The following SMC5 variants were observed in gnomAD, a reference collection of about 807,000 sequenced individuals.
SMC5 encodes structural maintenance of chromosomes protein 5.
In SMC5, 88 loss-of-function variants were observed where a neutral mutation model predicts 148.3. The ratio of observed to expected loss-of-function variants is 0.59; its 90% confidence interval spans 0.50 to 0.71. The LOEUF (loss-of-function observed/expected upper bound fraction) is 0.71, where lower values mean the gene tolerates loss of function less well. Ranked by LOEUF, SMC5 falls within the 30% of genes least tolerant of loss-of-function variation. The pLI, the probability that SMC5 is intolerant of heterozygous loss-of-function variation, is 0.00. For synonymous variants in SMC5, 421 were observed against 432.8 expected (o/e 0.97, Z 0.34); for missense variants, 1,142 against 1,298.9 (o/e 0.88, Z 1.86).
intron 20 of SMC5, among the ~76,000 whole-genome samples, 166 bp downstream of exon 20, chr9:70,347,327 G>A (rs2118835894): frequency 6.6e-6 from 1 of 152,270 alleles, no homozygotes; most frequent in Middle Eastern, 3.4e-3. Context: ...TTAAATGCCA[G>A]ATTCTGAATC....
At chr9:70,320,106 T>TG (rs2035906292) in intron 15 of SMC5, among the ~76,000 whole-genome samples, 1 of 152,188 alleles carries the variant, frequency 6.6e-6, no homozygotes, top group South Asian at 2.1e-4. Context: ...TGGTATTCCA[T>TG]GAAAAAAATG....
chr9:70,275,110 T>C (rs1027153792), intron 3 of SMC5, among the ~76,000 whole-genome samples: 1 of 152,190 alleles, frequency 6.6e-6, no homozygotes, highest in African/African-American at 2.4e-5. Context: ...GAAAACGATA[T>C]TATTTAGCTC....
At chr9:70,323,647 T>G (rs771469243) in intron 16 of SMC5, 41 bp downstream of exon 16, 6 of 1,582,994 alleles carry the variant, frequency 3.8e-6, no homozygotes, top group Non-Finnish European at 5.2e-6. Context: ...TTAAAGGAAA[T>G]AGCGGGCAGA....
At chr9:70,328,277 CCAAGTA>C (rs1348837626) in intron 17 of SMC5, among the ~76,000 whole-genome samples, 11 of 152,122 alleles carry the variant, frequency 7.2e-5, no homozygotes, top group Admixed American at 4.6e-4. Context: ...ACTCAAAAGT[CCAAGTA>C]CAAGTTGAAT....
intron 1 of SMC5, among the ~76,000 whole-genome samples, chr9:70,260,032 CCT>C (rs964112822): frequency 6.6e-6 from 1 of 151,882 alleles, no homozygotes; most frequent in East Asian, 1.9e-4. Flanking sequence ...GCAACTTCCG[CCT>C]CTCGGTTTCA....
intron 17 of SMC5, among the ~76,000 whole-genome samples, chr9:70,333,307 C>T (rs1446746047): frequency 6.6e-6 from 1 of 152,040 alleles, no homozygotes; most frequent in East Asian, 1.9e-4. Context: ...ACAATAGCAT[C>T]AAAAATGAAA....
At chr9:70,261,044 G>T (rs1323600251) in intron 1 of SMC5, among the ~76,000 whole-genome samples, 2 of 152,156 alleles carry the variant, frequency 1.3e-5, no homozygotes, top group Admixed American at 1.3e-4. Context: ...CGCCTAAGAA[G>T]ATAGGAAAGT....
intron 13 of SMC5, among the ~76,000 whole-genome samples, chr9:70,318,271 C>T (rs569241722): frequency 3.9e-5 from 6 of 151,980 alleles, no homozygotes; most frequent in Non-Finnish European, 8.8e-5. Flanking sequence ...GCCTGTAGTC[C>T]CATCTACTCA....
At chr9:70,340,395 G>C (rs1587713192) in intron 17 of SMC5, among the ~76,000 whole-genome samples, 1 of 151,624 alleles carries the variant, frequency 6.6e-6, no homozygotes, top group African/African-American at 2.4e-5. Context: ...TAGAATTTAT[G>C]GTCTTGTGTA....
At chr9:70,264,711 C>G (rs1427810902) in intron 2 of SMC5, among the ~76,000 whole-genome samples, 1 of 151,902 alleles carries the variant, frequency 6.6e-6, no homozygotes, top group Non-Finnish European at 1.5e-5. Flanking sequence ...CATCACTTGG[C>G]TTGTGGAACA....
intron 5 of SMC5, 115 bp downstream of exon 5, chr9:70,278,740 T>G: frequency 9.5e-7 from 1 of 1,055,482 alleles, no homozygotes; most frequent in Non-Finnish European, 1.3e-6. Context: ...TGTGATTTTT[T>G]TTCACTTAGG....
chr9:70,300,222 G>C, intron 10 of SMC5, 22 bp downstream of exon 10: 2 of 1,563,686 alleles, frequency 1.3e-6, no homozygotes, highest in Non-Finnish European at 8.6e-7. Flanking sequence ...TGTTCATCTT[G>C]GTAGTATTGG....
intron 3 of SMC5, among the ~76,000 whole-genome samples, chr9:70,275,087 C>T (rs1022018838): frequency 5.3e-5 from 8 of 152,104 alleles, no homozygotes; most frequent in African/African-American, 1.9e-4. Flanking sequence ...TTGGAACACT[C>T]AGTTTTTAAT....
At position 70,323,522 on chromosome 9, in the gene SMC5, G is replaced by A. The variant is rs762259247; in HGVS notation, c.2190G>A (p.Glu730=). Residue 730 remains glutamate, a synonymous_variant, in exon 16 of 25, where the codon GAG becomes GAA. Transcript: ENST00000361138. ...LMEQDTCNLE[E]EERKASTKIK... is the part of the protein sequence containing the mutation. ...AACAGGATACTTGCAATCTTGAAGA[G>A]GAAGAGCGAAAAGCAAGTACCAAAA... 1.9e-6 allele frequency: 3 copies of A among 1,611,608 alleles called. No individual in the cohort carries two copies. The South Asian group carries it at 3.3e-5, about 18-fold the overall frequency.
At chr9:70,299,314 T>C (rs985858293) in intron 9 of SMC5, among the ~76,000 whole-genome samples, 2 of 152,088 alleles carry the variant, frequency 1.3e-5, no homozygotes, top group African/African-American at 4.8e-5. Context: ...TTGATAGCTT[T>C]TAAAAAGCTT....
chr9:70,278,678 C>T (rs2034664312), intron 5 of SMC5, 53 bp downstream of exon 5: 1 of 1,529,398 alleles, frequency 6.5e-7, no homozygotes, highest in Non-Finnish European at 8.8e-7. Context: ...TTCTGTATCT[C>T]AGAACATGGG....
chr9:70,280,982 T>A, intron 6 of SMC5, 83 bp downstream of exon 6: 1 of 1,445,452 alleles, frequency 6.9e-7, no homozygotes, highest in Non-Finnish European at 9.5e-7. Flanking sequence ...TACTGTGTAT[T>A]CAAGTTAGGT....
intron 11 of SMC5, 21 bp downstream of exon 11, chr9:70,305,381 C>G (rs768261847): frequency 1.6e-4 from 207 of 1,292,200 alleles, no homozygotes; most frequent in Non-Finnish European, 2.2e-4. Context: ...ACCAACACAA[C>G]ACTTTGATTC....
intron 24 of SMC5, 25 bp from the exon 25 acceptor site, chr9:70,352,166 T>C: frequency 6.3e-7 from 1 of 1,587,722 alleles, no homozygotes; most frequent in South Asian, 1.1e-5. Context: ...ATAGCTTATA[T>C]GACAATTTGT....
Sources: allele counts gnomAD v4.1 joint callset (sites outside exome capture counted in the v4.1 genomes callset), GRCh38; gene constraint gnomAD v4.1.1; transcripts MANE v1.5; gene names NCBI Gene and HGNC (gene_info 2026-07-23, HGNC 2026-07-21).